Variants in SLC7A9 observed in about 807,000 individuals in gnomAD.
SLC7A9 encodes the protein B(0,+)-type amino acid transporter 1.
Under a neutral mutation model 54.1 loss-of-function variants are expected in SLC7A9, and 38 were observed. The ratio of observed to expected loss-of-function variants is 0.70; its 90% CI spans 0.54 to 0.92. The LOEUF (loss-of-function observed/expected upper bound fraction) is 0.92, where lower values mean the gene tolerates loss of function less well. SLC7A9 is among the 40% of genes least tolerant of loss of function. The pLI is 0.00. For missense variants in SLC7A9, 537 were observed against 636.1 expected, an observed-to-expected ratio of 0.84 and a Z score of 1.68; for synonymous variants, 264 against 258.9, an observed-to-expected ratio of 1.02 and a Z score of -0.19.
chr19:32,840,148 C>A (rs1245978186), intron 11 of SLC7A9, among the ~76,000 whole-genome samples: 1 of 152,026 alleles, frequency 6.6e-6, no homozygotes, highest in African/African-American at 2.4e-5. Flanking sequence ...TGTTTCCTAG[C>A]ATGTTTCTTT....
At position 32,830,571 on chromosome 19, in the gene SLC7A9, T is replaced by C. The variant is rs1374992341; in HGVS notation, c.*49A>G. 7.2e-7 allele frequency: 1 copy of C among 1,385,546 alleles called. No homozygotes were observed. The highest frequency in any genetic ancestry group is 1.4e-5 in the African/African-American group (1 of 70,410). The allele number at this position is 1,385,546 out of a possible 1,614,324, so 85.8% of individuals were successfully genotyped here. A position where few individuals can be genotyped will look rare whatever the true frequency, so the allele number is the denominator to read the frequency against. On this transcript the variant is annotated 3_prime_UTR_variant, in exon 13 of 13. Coordinates refer to ENST00000023064, the MANE Select transcript of SLC7A9 (RefSeq NM_014270.5). ...AAAAGGAAGAAATAACCACAAATAT[T>C]GCTTAAGAAAATAAATTCAGCTGAC...
intron 9 of SLC7A9, 61 bp downstream of exon 9, chr19:32,858,379 G>A (rs973029313): frequency 6.9e-6 from 8 of 1,154,146 alleles, no homozygotes; most frequent in East Asian, 2.4e-5. Flanking sequence ...TGTCTTCCTC[G>A]GGGGTGATAT....
At chr19:32,865,689 G>A (rs947971736) in intron 2 of SLC7A9, among the ~76,000 whole-genome samples, 12 of 152,162 alleles carry the variant, frequency 7.9e-5, no homozygotes, top group Non-Finnish European at 1.3e-4. Flanking sequence ...TGTACATTTC[G>A]ACCAGGTGCA....
intron 12 of SLC7A9, 47 bp from the exon 13 acceptor site, chr19:32,830,731 G>C (rs745613693): frequency 2.0e-6 from 3 of 1,498,066 alleles, no homozygotes; most frequent in Admixed American, 3.3e-5. Flanking sequence ...ACTGAAATTC[G>C]AAAGTTTCAC....
At chr19:32,859,339 C>G (rs1968724686) in intron 8 of SLC7A9, among the ~76,000 whole-genome samples, 1 of 151,926 alleles carries the variant, frequency 6.6e-6, no homozygotes, top group Non-Finnish European at 1.5e-5. Context: ...ACCGGAATGG[C>G]TGAATTCTCC....
At chr19:32,841,573 A>G (rs1968127708) in intron 11 of SLC7A9, among the ~76,000 whole-genome samples, 3 of 152,156 alleles carry the variant, frequency 2.0e-5, no homozygotes, top group South Asian at 2.1e-4. Context: ...AGAAAAAAAA[A>G]TGAAACAAGA....
chr19:32,866,269 C>T (rs901750859), intron 2 of SLC7A9, among the ~76,000 whole-genome samples: 1 of 152,092 alleles, frequency 6.6e-6, no homozygotes. Context: ...CAGGACAGGG[C>T]GGGGATGGGC....
At chr19:32,847,737 G>C (rs2145819578) in intron 9 of SLC7A9, among the ~76,000 whole-genome samples, 1 of 152,278 alleles carries the variant, frequency 6.6e-6, no homozygotes, top group Non-Finnish European at 1.5e-5. Context: ...ATAATTGTCA[G>C]ATTCACCAAA....
At position 32,865,170 on chromosome 19, in the gene SLC7A9, G is replaced by A. The variant is rs149459878; in HGVS notation, c.88-394C>T. Among the ~76,000 whole-genome samples, 437 of 152,302 alleles carry A rather than the reference G, an allele frequency of 2.9e-3. 2 individuals carry two copies. Among genetic ancestry groups the A allele is most frequent in the African/African-American group, 9.8e-3 (408 of 41,582 alleles). On this transcript the variant is annotated intron_variant, in intron 2 of 12. Coordinates refer to ENST00000023064, the MANE Select transcript of SLC7A9 (RefSeq NM_014270.5). The stretch of plus-strand genomic sequence containing the variant: ...TGGCAACAGCTCACCAATAAGAAAG[G>A]CCCTCGGGATACGCCTCTGAGCCTA...
At chr19:32,865,363 G>T (rs943336135) in intron 2 of SLC7A9, among the ~76,000 whole-genome samples, 1 of 152,194 alleles carries the variant, frequency 6.6e-6, no homozygotes, top group African/African-American at 2.4e-5. Flanking sequence ...GAGCACAGAG[G>T]TGAGATCATG....
At chr19:32,855,422 G>T (rs982612151) in intron 9 of SLC7A9, among the ~76,000 whole-genome samples, 3 of 152,108 alleles carry the variant, frequency 2.0e-5, no homozygotes, top group Non-Finnish European at 4.4e-5. Flanking sequence ...AAATGCAGCC[G>T]GGCGCGGTGG....
chr19:32,831,994 G>A (rs755540889), intron 12 of SLC7A9, among the ~76,000 whole-genome samples: 3 of 152,174 alleles, frequency 2.0e-5, no homozygotes, highest in Non-Finnish European at 4.4e-5. Flanking sequence ...AAGAAAATGG[G>A]GCTGGGCGCA....
chr19:32,868,768 T>C (rs1024455001), intron 1 of SLC7A9, 123 bp from the exon 2 acceptor site: 1 of 584,894 alleles, frequency 1.7e-6, no homozygotes, highest in Non-Finnish European at 3.1e-6. Flanking sequence ...GGAACACAGC[T>C]CCCCGCTGCT....
At chr19:32,847,153 T>A (rs1299450756) in intron 9 of SLC7A9, among the ~76,000 whole-genome samples, 3 of 152,112 alleles carry the variant, frequency 2.0e-5, no homozygotes, top group African/African-American at 4.8e-5. Flanking sequence ...GGAATGCAGC[T>A]CCCTCACCAG....
At chr19:32,858,766 A>ATATTTATTTATT (rs1417681756) in intron 8 of SLC7A9, among the ~76,000 whole-genome samples, 48 of 95,746 alleles carry the variant, frequency 5.0e-4, no homozygotes, top group African/African-American at 1.7e-3. Context: ...CCTGGCATAA[A>ATATTTATTTATT]TCTTTATTTA....
At chr19:32,864,801 C>T (rs746105760) in intron 2 of SLC7A9, 25 bp from the exon 3 acceptor site, 43 of 1,613,742 alleles carry the variant, frequency 2.7e-5, no homozygotes, top group East Asian at 1.3e-4. Flanking sequence ...AGGAAGAGGG[C>T]GTTAGTGCCA....
At chr19:32,845,900 A>G (rs1968276138) in intron 9 of SLC7A9, among the ~76,000 whole-genome samples, 2 of 152,154 alleles carry the variant, frequency 1.3e-5, no homozygotes, top group South Asian at 4.1e-4. Context: ...TCTACTTGGG[A>G]GGCTGAGGCA....
Position 32,864,622 on chromosome 19 carries a change from TC to T in SLC7A9, c.235+6del. 6.2e-7 allele frequency: 1 copy of T among 1,612,908 alleles called. No homozygotes were observed. The highest frequency in any genetic ancestry group is 8.5e-7 in the Non-Finnish European group (1 of 1,179,960). ...CGGGGCTGCAACAGGCTCCCAAGTC[TC>T]TTTACCCAGCGTCGCGAGGACCCCG... On this transcript the variant is annotated splice_donor_region_variant and intron_variant, in intron 3 of 12. Coordinates refer to ENST00000023064, the MANE Select transcript of SLC7A9 (RefSeq NM_014270.5).
intron 11 of SLC7A9, among the ~76,000 whole-genome samples, chr19:32,839,552 C>CAAAAA (rs913100576): frequency 1.2e-5 from 1 of 82,810 alleles, no homozygotes. Flanking sequence ...CACTCCGTCT[C>CAAAAA]AAAAAAAAAA....
Sources: allele counts gnomAD v4.1 joint callset (sites outside exome capture counted in the v4.1 genomes callset), GRCh38; gene constraint gnomAD v4.1.1; transcripts MANE v1.5; gene names NCBI Gene and HGNC (gene_info 2026-07-23, HGNC 2026-07-21).